Variants in SNX24 observed in about 807,000 individuals in gnomAD.
SNX24 encodes the protein sorting nexin-24.
In SNX24, 22 loss-of-function variants were observed where a neutral mutation model predicts 28.7. The observed-to-expected ratio is 0.77, with a 90% CI of 0.55 to 1.10. The LOEUF (loss-of-function observed/expected upper bound fraction) is 1.10, where lower values mean the gene tolerates loss of function less well. SNX24 is among the 50% of genes least tolerant of loss of function. The pLI, the probability that SNX24 is intolerant of heterozygous loss-of-function variation, is 0.00. For synonymous variants in SNX24, 69 were observed against 71.5 expected (o/e 0.96, Z 0.18); for missense variants, 221 against 201.1 (o/e 1.10, Z -0.60).
At chr5:122,986,719 A>G (rs1291735332) in intron 3 of SNX24, among the ~76,000 whole-genome samples, 1 of 145,510 alleles carries the variant, frequency 6.9e-6, no homozygotes, top group African/African-American at 2.6e-5. Context: ...GAGCAGAGAA[A>G]TGGGCTATAG....
intron 2 of SNX24, among the ~76,000 whole-genome samples, chr5:122,943,782 A>G (rs895894504): frequency 1.3e-5 from 2 of 152,202 alleles, no homozygotes; most frequent in Non-Finnish European, 2.9e-5. Context: ...GGTCCCACTC[A>G]TGCTCAAGAG....
rs138671122 is a variant in SNX24, at chr5:122,903,833, T to G, written c.61-32901T>G. ...CTTCTGCTTTGTTACATTTATGATG[T>G]AACAAAGCCCTTTTATTGGTGGACT... On this transcript the variant is annotated intron_variant, in intron 1 of 6. Coordinates refer to ENST00000261369, the MANE Select transcript of SNX24 (RefSeq NM_014035.4). Among the ~76,000 whole-genome samples the G allele has an allele frequency of 5.9e-3, 906 of 152,306 alleles. 5 individuals carry two copies. The highest frequency in any genetic ancestry group is 7.7e-3 in the Non-Finnish European group (524 of 68,022).
At chr5:123,001,826 C>A in intron 5 of SNX24, 114 bp from the exon 6 acceptor site, 1 of 845,920 alleles carries the variant, frequency 1.2e-6, no homozygotes, top group Non-Finnish European at 2.0e-6. Context: ...ACTGTTAGAA[C>A]ATAAACCTTG....
intron 1 of SNX24, among the ~76,000 whole-genome samples, chr5:122,917,846 C>T (rs996032799): frequency 2.0e-5 from 3 of 151,974 alleles, no homozygotes; most frequent in Admixed American, 1.3e-4. Flanking sequence ...TTTGGGAGGC[C>T]GAGGTGGGCG....
Position 122,848,478 on chromosome 5 carries a change from C to T in SNX24, c.60+2785C>T, listed in dbSNP as rs566026682. On this transcript the variant is annotated intron_variant, in intron 1 of 6. Transcript: ENST00000261369. ...CAGCACTTTGGGAGGCCGAGGTGGG[C>T]GGATCACTTGAGGTCAGGAGGCGAG... is the stretch of plus-strand genomic sequence containing the variant. 2.1e-4 allele frequency among the ~76,000 whole-genome samples: 31 copies of T among 150,106 alleles called. No homozygotes were observed. In the South Asian group the frequency reaches 6.6e-3, roughly 32 times the overall value.
intron 6 of SNX24, among the ~76,000 whole-genome samples, chr5:123,005,559 GCTTAA>G (rs1762394671): frequency 6.6e-6 from 1 of 151,898 alleles, no homozygotes; most frequent in Non-Finnish European, 1.5e-5. Flanking sequence ...TGTCTTTTTT[GCTTAA>G]CTTATTTAGT....
At chr5:123,015,813 CAG>C (rs1365320600) in intron 5 of SNX24, among the ~76,000 whole-genome samples, 5 of 152,034 alleles carry the variant, frequency 3.3e-5, no homozygotes, top group Admixed American at 2.6e-4. Flanking sequence ...CAAAATCAAA[CAG>C]AATGCCAGCA....
At chr5:122,937,579 CCGTTAACAGGATAAACTTATAAA>C (rs1759233471) in intron 2 of SNX24, among the ~76,000 whole-genome samples, 1 of 152,086 alleles carries the variant, frequency 6.6e-6, no homozygotes, top group Non-Finnish European at 1.5e-5. Flanking sequence ...CAGAAAAATC[CCGTTAACAGGATAAACTTATAAA>C]CGTTAACAGG....
At chr5:123,019,672 T>G (rs906023259) in intron 5 of SNX24, among the ~76,000 whole-genome samples, 3 of 152,228 alleles carry the variant, frequency 2.0e-5, no homozygotes, top group Non-Finnish European at 4.4e-5. Flanking sequence ...ATTAAAGTGA[T>G]TCAAGACTAA....
At chr5:122,976,990 T>C (rs1273641279) in intron 3 of SNX24, among the ~76,000 whole-genome samples, 3 of 152,300 alleles carry the variant, frequency 2.0e-5, no homozygotes, top group East Asian at 1.9e-4. Flanking sequence ...TTTTTTTTCT[T>C]ATCCACATTA....
At chr5:123,009,270 C>T (rs1762512449), downstream of SNX24, 4 of 969,582 alleles carry the variant, frequency 4.1e-6, no homozygotes, top group Non-Finnish European at 4.9e-6. Context: ...TGTTTACACA[C>T]ACACACACAT....
chr5:122,916,232 C>CT (rs1352708625), intron 1 of SNX24, among the ~76,000 whole-genome samples: 1 of 152,190 alleles, frequency 6.6e-6, no homozygotes, highest in Non-Finnish European at 1.5e-5. Flanking sequence ...TATTAGTAGT[C>CT]TGAGTCTGCA....
At chr5:122,943,437 C>T (rs1275519220) in intron 2 of SNX24, among the ~76,000 whole-genome samples, 2 of 152,154 alleles carry the variant, frequency 1.3e-5, no homozygotes, top group Admixed American at 1.3e-4. Flanking sequence ...TCATGCCTGT[C>T]CTCTTGAAAC....
intron 1 of SNX24, among the ~76,000 whole-genome samples, chr5:122,906,684 G>A (rs1757657722): frequency 6.6e-6 from 1 of 152,086 alleles, no homozygotes; most frequent in African/African-American, 2.4e-5. Context: ...AATTTTGTAT[G>A]TTTAGTAGAG....
intron 1 of SNX24, among the ~76,000 whole-genome samples, chr5:122,881,146 G>A (rs553970263): frequency 3.3e-5 from 5 of 152,290 alleles, no homozygotes; most frequent in African/African-American, 1.2e-4. Context: ...CAGCAGGAGT[G>A]TGTGCAGAAA....
At chr5:122,943,879 C>T (rs1759568393) in intron 2 of SNX24, among the ~76,000 whole-genome samples, 1 of 152,138 alleles carries the variant, frequency 6.6e-6, no homozygotes, top group South Asian at 2.1e-4. Flanking sequence ...TACCTAACTC[C>T]TAATGTCATC....
chr5:123,025,825 C>A, intron 5 of SNX24: 1 of 1,613,930 alleles, frequency 6.2e-7, no homozygotes, highest in Non-Finnish European at 8.5e-7. Flanking sequence ...TGTTTGCCGT[C>A]CAACCAGGTG....
intron 1 of SNX24, among the ~76,000 whole-genome samples, chr5:122,924,882 T>A (rs546686201): frequency 6.6e-6 from 1 of 152,222 alleles, no homozygotes; most frequent in Admixed American, 6.5e-5. Context: ...TTCTACCATA[T>A]CATGTAGCTT....
intron 1 of SNX24, among the ~76,000 whole-genome samples, chr5:122,887,246 A>T (rs1442347481): frequency 6.6e-6 from 1 of 152,186 alleles, no homozygotes; most frequent in Non-Finnish European, 1.5e-5. Flanking sequence ...CAACACTTTG[A>T]ATATATTACT....
Sources: gnomAD v4.1 joint callset for allele counts (sites outside exome capture counted in the v4.1 genomes callset) on GRCh38, gnomAD v4.1.1 for gene constraint, MANE v1.5 for transcripts, NCBI Gene and HGNC (gene_info 2026-07-23, HGNC 2026-07-21) for gene names.